ZFP64: variants seen among roughly 807,000 people sequenced by gnomAD.
ZFP64 encodes the protein ZFP64 zinc finger protein.
In ZFP64, 14 loss-of-function variants were observed where a neutral mutation model predicts 51.6. The ratio of observed to expected loss-of-function variants is 0.27; its 90% CI spans 0.18 to 0.42. The LOEUF (loss-of-function observed/expected upper bound fraction) is 0.42. Among genes scored for constraint, ZFP64 ranks in the 10% least tolerant of loss-of-function variants. The pLI is 1.00. For synonymous variants in ZFP64, 375 were observed against 361.4 expected (o/e 1.04, Z -0.43); for missense variants, 754 against 906.8 (o/e 0.83, Z 2.16).
intron 5 of ZFP64, among the ~76,000 whole-genome samples, chr20:52,133,856 C>T (rs1009740360): frequency 4.6e-5 from 7 of 151,894 alleles, no homozygotes; most frequent in African/African-American, 1.7e-4. Flanking sequence ...TTGTAAGACC[C>T]TGTCTCTACA....
chr20:52,136,527 A>G (rs1251527430), intron 5 of ZFP64, among the ~76,000 whole-genome samples: 2 of 152,202 alleles, frequency 1.3e-5, no homozygotes, highest in East Asian at 3.8e-4. Context: ...TGTGAATAAA[A>G]CTCAGAGTTT....
At chr20:52,181,657 T>C (rs1983622268) in intron 2 of ZFP64, among the ~76,000 whole-genome samples, 1 of 152,170 alleles carries the variant, frequency 6.6e-6, no homozygotes, top group Non-Finnish European at 1.5e-5. Flanking sequence ...GACTGTGGTC[T>C]TGAGCAGTGA....
chr20:52,152,695 G>A lies in ZFP64; in HGVS notation c.1497C>T (p.Ile499=). The A allele has an allele frequency of 6.4e-7, 1 of 1,551,702 alleles. No homozygotes were observed. Among genetic ancestry groups the A allele is most frequent in the Non-Finnish European group, 8.7e-7 (1 of 1,149,184 alleles). Residue 499 remains isoleucine (I), a synonymous_variant, in exon 6 of 6, where the codon ATC becomes ATT. Coordinates refer to ENST00000216923, the MANE Select transcript of ZFP64 (RefSeq NM_018197.3). Reference sequence around the variant, plus strand: ...CCTGGGGCACCTGATGCCCAACGATGATTTTGACTCTTCCCTCGCTGAACT... The same window carrying A: ...CCTGGGGCACCTGATGCCCAACGATAATTTTGACTCTTCCCTCGCTGAACT... ...VPQFSEGRVK[I]IVGHQVPQAN...
At chr20:52,104,719 C>G in intron 5 of ZFP64, 1 of 485,418 alleles carries the variant, frequency 2.1e-6, no homozygotes. Flanking sequence ...GTGAGGCCTT[C>G]CCTGGACAAC....
chr20:52,153,103 A>G lies in ZFP64; in HGVS notation c.1089T>C (p.Arg363=). The G allele has an allele frequency of 1.2e-6, 2 of 1,614,172 alleles. No homozygotes were observed. The highest frequency in any genetic ancestry group is 1.7e-6 in the Non-Finnish European group (2 of 1,180,032). ...TGAAAGGGCGGTCGGTGCAGTGGAT[A>G]CGCTCGTGGATGCGCAGGGCGGCCT... The part of the protein sequence containing the change: ...SSKAALRIHE[R]IHCTDRPFKC... Residue 363 remains arginine, a synonymous_variant, in exon 6 of 6, where the codon CGT becomes CGC. Coordinates refer to ENST00000216923, the MANE Select transcript of ZFP64 (RefSeq NM_018197.3). This position sits in a 1 kb window ranked among gnomAD's most constrained non-coding sequence, Gnocchi z 5.1.
At chr20:52,187,140 C>T (rs1163856559) in intron 1 of ZFP64, 69 bp from the exon 2 acceptor site, 16 of 1,515,696 alleles carry the variant, frequency 1.1e-5, no homozygotes, top group African/African-American at 1.4e-5. Flanking sequence ...AGACCAGATT[C>T]ATGGTAGGAA....
intron 5 of ZFP64, among the ~76,000 whole-genome samples, chr20:52,122,853 G>A (rs1477604569): frequency 3.9e-5 from 6 of 152,202 alleles, no homozygotes; most frequent in African/African-American, 1.4e-4. Flanking sequence ...GCTACTTACA[G>A]CTGAGCAAAA....
chr20:52,132,195 C>A (rs1979754359), intron 5 of ZFP64, among the ~76,000 whole-genome samples: 1 of 151,630 alleles, frequency 6.6e-6, no homozygotes, highest in African/African-American at 2.4e-5. Flanking sequence ...TACAACATAC[C>A]CAAATCTGTG....
intron 5 of ZFP64, among the ~76,000 whole-genome samples, chr20:52,115,294 C>T (rs1978806082): frequency 6.6e-6 from 1 of 151,442 alleles, no homozygotes; most frequent in Non-Finnish European, 1.5e-5. Flanking sequence ...AAAAGCAAGG[C>T]CCACATAGAT....
intron 5 of ZFP64, among the ~76,000 whole-genome samples, chr20:52,107,224 CTT>C (rs926228148): frequency 6.6e-6 from 1 of 152,154 alleles, no homozygotes; most frequent in African/African-American, 2.4e-5. Flanking sequence ...CTGAGACCCT[CTT>C]ATACTGCTTG....
chr20:52,179,651 C>G (rs1213933669), intron 2 of ZFP64, among the ~76,000 whole-genome samples: 1 of 152,234 alleles, frequency 6.6e-6, no homozygotes, highest in Non-Finnish European at 1.5e-5. Context: ...ATCAGGCGGG[C>G]AGGGCCTTCC....
At chr20:52,162,301 A>AG in intron 4 of ZFP64, among the ~76,000 whole-genome samples, 1 of 151,128 alleles carries the variant, frequency 6.6e-6, no homozygotes, top group Admixed American at 6.6e-5. Flanking sequence ...CCATCTCAAA[A>AG]GGAAAAAAAA....
chr20:52,122,558 A>C (rs942841299), intron 5 of ZFP64, among the ~76,000 whole-genome samples: 1 of 151,918 alleles, frequency 6.6e-6, no homozygotes, highest in African/African-American at 2.4e-5. Context: ...TGCCATAGAC[A>C]GTGATTCCTT....
At chr20:52,122,828 A>C (rs1568665094) in intron 5 of ZFP64, among the ~76,000 whole-genome samples, 1 of 152,236 alleles carries the variant, frequency 6.6e-6, no homozygotes, top group Non-Finnish European at 1.5e-5. Flanking sequence ...ATAAAACCTC[A>C]ACAGATGAGG....
chr20:52,089,455 C>T (rs6013386), intron 7 of ZFP64, among the ~76,000 whole-genome samples: 74,181 of 151,954 alleles, frequency 0.49, 18,419 homozygotes, highest in African/African-American at 0.55. Context: ...CAAGAGTGAA[C>T]CTTGGCCAGG....
At chr20:52,148,923 G>A (rs1450389653), downstream of ZFP64, among the ~76,000 whole-genome samples, 3 of 152,156 alleles carry the variant, frequency 2.0e-5, no homozygotes, top group African/African-American at 7.2e-5. Flanking sequence ...AAAGTCAAAA[G>A]ACAATGACAG....
chr20:52,146,018 T>G (rs1214978509), intron 5 of ZFP64, among the ~76,000 whole-genome samples: 3 of 152,204 alleles, frequency 2.0e-5, no homozygotes, highest in Non-Finnish European at 4.4e-5. Context: ...ATATTCTTTC[T>G]TTATATCCTT....
intron 4 of ZFP64, among the ~76,000 whole-genome samples, chr20:52,161,665 G>A (rs1386275094): frequency 2.0e-5 from 3 of 152,112 alleles, no homozygotes; most frequent in African/African-American, 2.4e-5. Flanking sequence ...ACATACTGAT[G>A]TGAAATGATG....
chr20:52,093,958 A>AT (rs1351882838), intron 7 of ZFP64, among the ~76,000 whole-genome samples: 2 of 152,218 alleles, frequency 1.3e-5, no homozygotes, highest in African/African-American at 2.4e-5. Context: ...TCACAATATG[A>AT]TTTTTTTAAA....
Sources: gnomAD v4.1 joint callset for allele counts (sites outside exome capture counted in the v4.1 genomes callset) on GRCh38, gnomAD v4.1.1 for gene constraint, Gnocchi (gnomAD v3.1) non-coding constraint, MANE v1.5 for transcripts, NCBI Gene and HGNC (gene_info 2026-07-23, HGNC 2026-07-21) for gene names.